The following FGF22 variants were observed in gnomAD, a reference collection of about 807,000 sequenced individuals.
FGF22 encodes the protein FGF-22.
In FGF22, 11 loss-of-function variants were observed where a neutral mutation model predicts 10.3. That is an observed-to-expected ratio of 1.07 (90% CI 0.67 to 1.77). FGF22 has a LOEUF of 1.77. Ranked by LOEUF, FGF22 falls within the 40% of genes most tolerant of loss-of-function variation. FGF22 has a pLI of 0.00. For missense variants in FGF22, 317 were observed against 273.2 expected, an observed-to-expected ratio of 1.16 and a Z score of -1.13; for synonymous variants, 136 against 122.1, an observed-to-expected ratio of 1.11 and a Z score of -0.75.
exon 3 of FGF22, chr19:643,717 GGC>G (rs1985993965): frequency 1.1e-6 from 1 of 951,460 alleles, no homozygotes; most frequent in Non-Finnish European, 1.5e-6. Context: ...ACCGTGTGCG[GGC>G]GCTGTGGACA....
chr19:641,872 C>T (rs372347280), intron 1 of FGF22, among the ~76,000 whole-genome samples: 30 of 152,242 alleles, frequency 2.0e-4, no homozygotes, highest in African/African-American at 7.0e-4. Flanking sequence ...ACACCCAGGC[C>T]GGGGTGAGCG....
At chr19:640,139 A>G (rs989756434) in exon 1 of FGF22, 8 of 1,275,886 alleles carry the variant, frequency 6.3e-6, no homozygotes, top group Admixed American at 4.2e-5. Context: ...CGGCCAGGAC[A>G]GTGAGTGCGG....
chr19:641,186 C>T, intron 1 of FGF22: 1 of 456,508 alleles, frequency 2.2e-6, no homozygotes, highest in South Asian at 1.5e-5. Context: ...GCATGGGGGA[C>T]CCAGTGGTGA....
chr19:641,097 G>GTGAGGGCTAGC (rs1568183562), intron 1 of FGF22: 3 of 445,228 alleles, frequency 6.7e-6, no homozygotes, highest in Non-Finnish European at 1.4e-5. Flanking sequence ...GGTGATGGGG[G>GTGAGGGCTAGC]TGAGGGCTAG....
chr19:640,996 G>T lies in FGF22; in HGVS notation c.214+857G>T, dbSNP rs1010874889. The T allele has an allele frequency of 1.1e-5, 4 of 360,562 alleles. No individual in the cohort carries two copies. The Admixed American group carries it at 1.4e-4, about 13-fold the overall frequency. The allele number at this position is 360,562 out of a possible 1,614,324, so 22.3% of individuals were successfully genotyped here. On this transcript the variant is annotated intron_variant, in intron 1 of 2. Transcript: ENST00000215530. ...ATCCATGGCGGGCATGGCCAGGCGGGGTGGCCTCGGGCCGGGGCAGAGGCC... is the reference window on the plus strand; with the variant it reads ...ATCCATGGCGGGCATGGCCAGGCGGTGTGGCCTCGGGCCGGGGCAGAGGCC...
At chr19:643,810 C>T (rs901475874) in exon 3 of FGF22, 8 of 571,812 alleles carry the variant, frequency 1.4e-5, no homozygotes, top group East Asian at 8.8e-5. Context: ...TTGGGGACCT[C>T]GAGGACCCAA....
At chr19:643,144 G>T in intron 1 of FGF22, 91 bp from the exon 2 acceptor site, 3 of 245,744 alleles carry the variant, frequency 1.2e-5, no homozygotes, top group Non-Finnish European at 1.3e-5. Context: ...GGTATCTGTC[G>T]TGGTCCTGAG....
intron 1 of FGF22, among the ~76,000 whole-genome samples, chr19:642,034 A>G (rs1389207307): frequency 3.9e-5 from 6 of 152,204 alleles, no homozygotes; most frequent in Non-Finnish European, 8.8e-5. Flanking sequence ...CCCCTCTGCA[A>G]CGTGGGCTGC....
chr19:643,731 A>G (rs1985994480), exon 3 of FGF22: 1 of 819,494 alleles, frequency 1.2e-6, no homozygotes. Flanking sequence ...CTGTGGACAC[A>G]GCCCAGGAGC....
intron 1 of FGF22, chr19:641,321 A>C (rs1220646016): frequency 2.0e-5 from 9 of 452,440 alleles, no homozygotes; most frequent in Admixed American, 9.4e-5. Flanking sequence ...TCACGTCGGT[A>C]ATCCCAGCAC....
At chr19:642,426 G>A (rs1186441741) in intron 1 of FGF22, among the ~76,000 whole-genome samples, 7 of 121,168 alleles carry the variant, frequency 5.8e-5, no homozygotes, top group Non-Finnish European at 8.6e-5. Context: ...TGTGAGGGCC[G>A]GGCTGGGGGG....
chr19:641,769 G>C (rs1232960983), intron 1 of FGF22, among the ~76,000 whole-genome samples: 1 of 152,122 alleles, frequency 6.6e-6, no homozygotes, highest in Non-Finnish European at 1.5e-5. Context: ...GTCCTGGAAG[G>C]TCGGGCTGGG....
chr19:640,078 C>T, exon 1 of FGF22: 1 of 1,419,394 alleles, frequency 7.0e-7, no homozygotes, highest in Non-Finnish European at 9.2e-7. Flanking sequence ...CCACTCACTT[C>T]TTCCTGCGCG....
Position 643,410 on chromosome 19 carries a change from C to T in FGF22, c.319C>T (p.Arg107Ter), listed in dbSNP as rs768439708. ...GGGCCGGCCTCACCCCCGCCCGCAG[C>T]GACTCTACACCGTGGACTGCAGGTT... is the stretch of plus-strand genomic sequence containing the variant. The change falls in exon 3 of 3, where the codon CGA (arginine) becomes TGA (stop). Residue 107 changes from arginine to a stop codon, truncating the protein, a stop_gained and splice_region_variant. Transcript: ENST00000215530. LOFTEE classifies it low-confidence loss of function (END_TRUNC). 5.0e-6 allele frequency: 8 copies of T among 1,610,272 alleles called. No homozygotes were observed. In the African/African-American group the frequency reaches 5.3e-5, roughly 11 times the overall value.
intron 1 of FGF22, among the ~76,000 whole-genome samples, chr19:642,697 T>C (rs1234021385): frequency 6.8e-6 from 1 of 147,982 alleles, no homozygotes; most frequent in Admixed American, 6.7e-5. Flanking sequence ...TGGGGTGGTG[T>C]GAGCTCTGAG....
intron 1 of FGF22, 105 bp downstream of exon 1, chr19:640,244 C>T (rs959149127): frequency 1.4e-5 from 10 of 724,264 alleles, no homozygotes; most frequent in Non-Finnish European, 1.9e-5. Flanking sequence ...CCCGGAGGCT[C>T]CTCTGTGCAG....
exon 3 of FGF22, chr19:643,681 G>A (rs1985992400): frequency 2.4e-6 from 3 of 1,262,682 alleles, no homozygotes; most frequent in Non-Finnish European, 2.1e-6. Flanking sequence ...TCTTCCCCCT[G>A]CGGGCTCTGT....
intron 1 of FGF22, chr19:641,297 C>A (rs1275363317): frequency 6.0e-5 from 27 of 453,736 alleles, no homozygotes; most frequent in Non-Finnish European, 1.1e-4. Context: ...GAACGGTTGG[C>A]CGGGTGCAGT....
exon 3 of FGF22, chr19:643,532 G>A (rs749856539): frequency 2.4e-5 from 38 of 1,604,396 alleles, no homozygotes; most frequent in Non-Finnish European, 3.1e-5. Flanking sequence ...ACAGGAGGGG[G>A]GGGCCCCGGC....
Sources: gnomAD v4.1 joint callset for allele counts (sites outside exome capture counted in the v4.1 genomes callset) on GRCh38, gnomAD v4.1.1 for gene constraint, MANE v1.5 for transcripts, NCBI Gene and HGNC (gene_info 2026-07-23, HGNC 2026-07-21) for gene names.